VPS54: variants seen among roughly 807,000 people sequenced by gnomAD.
VPS54 encodes the protein VPS54 subunit of GARP complex.
VPS54 carries 45 observed loss-of-function variants against 121.5 expected under a neutral mutation model. The observed-to-expected ratio is 0.37, with a 90% confidence interval of 0.29 to 0.47. The LOEUF (loss-of-function observed/expected upper bound fraction) is 0.47, where lower values mean the gene tolerates loss of function less well. Among genes scored for constraint, VPS54 ranks in the 20% least tolerant of loss-of-function variants. The probability of loss-of-function intolerance (pLI) is 0.99; values close to 1 mark genes in which losing one functional copy is unlikely to be tolerated. For missense variants in VPS54, 1,090 were observed against 1,131.4 expected (o/e 0.96, Z 0.52); for synonymous variants, 371 against 385.8 (o/e 0.96, Z 0.45).
chr2:63,965,752 T>A, intron 6 of VPS54, 83 bp downstream of exon 6: 1 of 1,542,030 alleles, frequency 6.5e-7, no homozygotes, highest in Non-Finnish European at 8.7e-7. Context: ...TACAGCTTAC[T>A]AAATAACTAA....
intron 7 of VPS54, among the ~76,000 whole-genome samples, chr2:63,961,359 T>A (rs1675760048): frequency 6.6e-6 from 1 of 152,240 alleles, no homozygotes; most frequent in African/African-American, 2.4e-5. Context: ...AGCTAACTTT[T>A]CCATAATGGA....
At chr2:64,015,144 A>T (rs1678620247) in intron 1 of VPS54, among the ~76,000 whole-genome samples, 1 of 152,130 alleles carries the variant, frequency 6.6e-6, no homozygotes, top group African/African-American at 2.4e-5. Flanking sequence ...TCACTTCTGG[A>T]TAAAAAAGAT....
intron 11 of VPS54, among the ~76,000 whole-genome samples, chr2:63,940,648 A>C (rs916260509): frequency 6.6e-5 from 10 of 152,224 alleles, no homozygotes; most frequent in African/African-American, 2.4e-4. Context: ...GAGTGAAAAA[A>C]ATAGCTTTGG....
intron 20 of VPS54, among the ~76,000 whole-genome samples, chr2:63,912,092 C>G (rs796208801): frequency 2.0e-5 from 3 of 152,018 alleles, no homozygotes; most frequent in Non-Finnish European, 4.4e-5. Context: ...TTTGGAAATC[C>G]GAAAATTTTG....
chr2:64,014,186 A>T (rs1262210333), intron 1 of VPS54, among the ~76,000 whole-genome samples: 1 of 152,218 alleles, frequency 6.6e-6, no homozygotes, highest in African/African-American at 2.4e-5. Flanking sequence ...AATTACCTTC[A>T]GATAATAGAA....
rs767336549 is a variant in VPS54 at position 63,944,627 on chromosome 2, T to C, written c.1274A>G (p.Glu425Gly). Residue 425 changes from glutamate (E) to glycine (G), a missense_variant, in exon 10 of 23, where the codon GAA (glutamate) becomes GGA (glycine). Physicochemically the swap from Glu to Gly is moderately conservative, Grantham distance 98 (BLOSUM62 -2). Coordinates refer to ENST00000272322, the MANE Select transcript of VPS54 (RefSeq NM_016516.3). ...CACAACAACATCTGTGTCTATTTCT[T>C]CTGTTTGTGAAACTTTATTAATCAC... Reference protein sequence around the residue: ...QCVINKVSQTEEIDTDVVVKL... With the variant: ...QCVINKVSQTGEIDTDVVVKL... 2 of 1,610,438 alleles carry C rather than the reference T, an allele frequency of 1.2e-6. No homozygotes were observed. Among genetic ancestry groups the C allele is most frequent in the Non-Finnish European group, 1.7e-6 (2 of 1,178,624 alleles).
intron 14 of VPS54, 91 bp from the exon 15 acceptor site, chr2:63,920,086 G>T (rs1673569369): frequency 9.3e-7 from 1 of 1,077,886 alleles, no homozygotes; most frequent in Non-Finnish European, 1.3e-6. Context: ...AGCTGAGTGA[G>T]AACATAAGAC....
chr2:63,897,836 T>C (rs79983499), intron 21 of VPS54, among the ~76,000 whole-genome samples: 3,810 of 152,230 alleles, frequency 0.025, 165 homozygotes, highest in African/African-American at 0.087. Context: ...TGGGATCAAC[T>C]GTGACAGGTA....
intron 1 of VPS54, among the ~76,000 whole-genome samples, chr2:63,997,493 G>A (rs1272322151): frequency 6.6e-6 from 1 of 152,126 alleles, no homozygotes; most frequent in African/African-American, 2.4e-5. Flanking sequence ...GCATACAGTT[G>A]CTCACAGTAG....
intron 3 of VPS54, among the ~76,000 whole-genome samples, chr2:63,979,832 A>G (rs1298636532): frequency 2.0e-5 from 3 of 152,230 alleles, no homozygotes; most frequent in Non-Finnish European, 4.4e-5. Flanking sequence ...TACTGTGGTC[A>G]GAGAGCATAC....
chr2:63,946,963 G>A (rs1482700616), intron 9 of VPS54, among the ~76,000 whole-genome samples: 2 of 151,986 alleles, frequency 1.3e-5, no homozygotes, highest in African/African-American at 2.4e-5. Context: ...TACCACAGAT[G>A]TCTGTCACAG....
chr2:64,000,992 G>C (rs1677847027), intron 1 of VPS54, among the ~76,000 whole-genome samples: 1 of 152,224 alleles, frequency 6.6e-6, no homozygotes, highest in South Asian at 2.1e-4. Flanking sequence ...CCTCATGTAA[G>C]TCCAGAAGTT....
chr2:63,999,530 G>C (rs888604143), intron 1 of VPS54, among the ~76,000 whole-genome samples: 8 of 56,764 alleles, frequency 1.4e-4, no homozygotes, highest in African/African-American at 7.2e-4. Flanking sequence ...CTTTATCCTT[G>C]TCTTTGGGAA....
chr2:63,914,175 T>C lies in VPS54; in HGVS notation c.2334+7A>G. On this transcript the variant is annotated splice_region_variant and intron_variant, in intron 17 of 22. Transcript: ENST00000272322. ...ATTTTTCCATAATGGAGTGAAGTCA[T>C]ACATACCTTCAATAAATCTGACAGA... 1 of 1,609,330 alleles carries C rather than the reference T, an allele frequency of 6.2e-7. No individual in the cohort carries two copies. Among genetic ancestry groups the C allele is most frequent in the Non-Finnish European group, 8.5e-7 (1 of 1,176,320 alleles).
At chr2:63,969,403 C>T (rs1337972249) in intron 4 of VPS54, among the ~76,000 whole-genome samples, 1 of 152,124 alleles carries the variant, frequency 6.6e-6, no homozygotes, top group African/African-American at 2.4e-5. Context: ...ACCGTCTGAG[C>T]TCCACCTTCT....
In VPS54 at chr2:63,912,655, G is replaced by C; in HGVS notation, c.2429C>G (p.Ser810Cys). 6.4e-7 allele frequency: 1 copy of C among 1,563,536 alleles called. No individual in the cohort carries two copies. The highest frequency in any genetic ancestry group is 1.2e-5 in the South Asian group (1 of 81,670). ...KTITTKNLALSSRCLQLIVHY... is the reference protein window; with the variant it reads ...KTITTKNLALCSRCLQLIVHY... ...CACAATTAACTGCAAACATCGTGAA[G>C]AAAGAGCTGAAGATCCAGGGAGTAG... The change falls in exon 19 of 23, where the codon TCT (serine) becomes TGT (cysteine). Residue 810 changes from serine (S) to cysteine (C), a missense_variant. Ser to Cys is a moderately radical substitution (Grantham distance 112). This residue lies in a region of VPS54 where 289 missense variants were observed against 374.4 expected (regional missense o/e 0.77). Transcript: ENST00000272322.
rs1213545597 is a variant in VPS54, at chr2:63,921,471, TTA to T, written c.1740-138_1740-137del. On this transcript the variant is annotated intron_variant, in intron 12 of 22. Coordinates refer to ENST00000272322, the MANE Select transcript of VPS54 (RefSeq NM_016516.3). ...AAAATTCTATGATGTACCAAATATC[TTA>T]TAGTTTTTATAGTGAAACATTACTT... 5.2e-6 allele frequency: 4 copies of T among 775,746 alleles called. No homozygotes were observed. In the East Asian group the frequency reaches 1.1e-4, roughly 21 times the overall value. The allele number at this position is 775,746 out of a possible 1,614,324, so 48.1% of individuals were successfully genotyped here. A position where few individuals can be genotyped will look rare whatever the true frequency, so the allele number is the denominator to read the frequency against.
At chr2:63,910,354 A>G (rs1474683031) in intron 20 of VPS54, among the ~76,000 whole-genome samples, 2 of 152,208 alleles carry the variant, frequency 1.3e-5, no homozygotes, top group East Asian at 1.9e-4. Flanking sequence ...TCAATGATAT[A>G]TATTTTTTTA....
chr2:63,907,109 T>A (rs1440577699), intron 20 of VPS54, among the ~76,000 whole-genome samples: 1 of 152,324 alleles, frequency 6.6e-6, no homozygotes, highest in Admixed American at 6.5e-5. Flanking sequence ...CACTGACTTA[T>A]ACTTTGCATT....
Sources: gnomAD v4.1 joint callset for allele counts (sites outside exome capture counted in the v4.1 genomes callset) on GRCh38, gnomAD v4.1.1 for gene constraint, gnomAD v4.1.1 regional missense constraint, MANE v1.5 for transcripts, NCBI Gene and HGNC (gene_info 2026-07-23, HGNC 2026-07-21) for gene names.